GREM2: variants seen among roughly 807,000 people sequenced by gnomAD.
GREM2 encodes gremlin 2, DAN family BMP antagonist, also known as gremlin-2.
A neutral mutation model predicts 14.2 loss-of-function variants in GREM2; 11 were observed. The observed-to-expected ratio is 0.78, with a 90% CI of 0.49 to 1.28. GREM2 has a LOEUF of 1.28. GREM2 is among the 50% of genes most tolerant of loss of function. The pLI is 0.00. For synonymous variants in GREM2, 98 were observed against 97.6 expected (o/e 1.00, Z -0.02); for missense variants, 210 against 218.5 (o/e 0.96, Z 0.24).
At chr1:240,523,666 G>GT (rs922761395) in intron 1 of GREM2, among the ~76,000 whole-genome samples, 50 of 151,628 alleles carry the variant, frequency 3.3e-4, no homozygotes, top group Admixed American at 1.4e-3. Flanking sequence ...GTTTTGTTTT[G>GT]TTTTTTCATG....
chr1:240,532,106 C>T (rs1441605714), intron 1 of GREM2, among the ~76,000 whole-genome samples: 2 of 151,308 alleles, frequency 1.3e-5, no homozygotes, highest in African/African-American at 2.4e-5. Context: ...GACAGAGTCT[C>T]GCTCTTGTCT....
At chr1:240,513,478 G>A (rs1220602630) in intron 1 of GREM2, among the ~76,000 whole-genome samples, 3 of 151,614 alleles carry the variant, frequency 2.0e-5, no homozygotes, top group Admixed American at 1.3e-4. Flanking sequence ...GGGAGGCTGA[G>A]GCAAGAGAAT....
At chr1:240,582,125 A>AT (rs1403830034) in intron 1 of GREM2, among the ~76,000 whole-genome samples, 1 of 152,220 alleles carries the variant, frequency 6.6e-6, no homozygotes, top group Non-Finnish European at 1.5e-5. Context: ...TTTGAGAACC[A>AT]CTGCTATAAT....
intron 1 of GREM2, among the ~76,000 whole-genome samples, chr1:240,505,368 C>A (rs1034139933): frequency 3.9e-5 from 6 of 152,050 alleles, no homozygotes; most frequent in Non-Finnish European, 8.8e-5. Context: ...TATAATCATA[C>A]ACACGCACAG....
intron 1 of GREM2, among the ~76,000 whole-genome samples, chr1:240,493,978 G>A (rs1013590408): frequency 6.6e-6 from 1 of 152,284 alleles, no homozygotes; most frequent in African/African-American, 2.4e-5. Context: ...AAGGCAAGGA[G>A]GCGGACAAAA....
chr1:240,534,965 G>A (rs1678445269), intron 1 of GREM2, among the ~76,000 whole-genome samples: 2 of 152,114 alleles, frequency 1.3e-5, no homozygotes, highest in South Asian at 2.1e-4. Flanking sequence ...TGGAGAGGAA[G>A]GGAGAGATGA....
chr1:240,600,629 G>A (rs1365901658), intron 1 of GREM2, among the ~76,000 whole-genome samples: 2 of 151,902 alleles, frequency 1.3e-5, no homozygotes, highest in Non-Finnish European at 2.9e-5. Flanking sequence ...GATTACAGGC[G>A]CCCACCACCG....
At chr1:240,539,974 T>A (rs1300297400) in intron 1 of GREM2, among the ~76,000 whole-genome samples, 1 of 152,192 alleles carries the variant, frequency 6.6e-6, no homozygotes, top group African/African-American at 2.4e-5. Context: ...AGTCTTGGTG[T>A]CTTATTGAGT....
chr1:240,495,203 A>G lies in GREM2; in HGVS notation c.-1-1727T>C, dbSNP rs1412959718. Among the ~76,000 whole-genome samples, 7 of 152,364 alleles carry G rather than the reference A, an allele frequency of 4.6e-5. No homozygotes were observed. The East Asian group carries it at 1.2e-3, about 25-fold the overall frequency. On this transcript the variant is annotated intron_variant, in intron 1 of 1. Coordinates refer to ENST00000318160, the MANE Select transcript of GREM2 (RefSeq NM_022469.4). ...ATATTGAGGACTCTGATCTCTTTTT[A>G]CAACGGTAGCTACCAATGTAGCTGT... is the stretch of plus-strand genomic sequence containing the variant.
rs1459668411 is a variant in GREM2 at position 240,543,500 on chromosome 1, GA to G, written c.-1-50025del. Reference sequence around the variant, plus strand: ...TCACTACCATGATAACAGTAGGGGGGAAACCGCCCTTGTGATTCAATTATTT... The same window carrying G: ...TCACTACCATGATAACAGTAGGGGGGAACCGCCCTTGTGATTCAATTATTT... On this transcript the variant is annotated intron_variant, in intron 1 of 1. Transcript: ENST00000318160. This position sits in a 1 kb window ranked among gnomAD's most constrained non-coding sequence, Gnocchi z 6.4. Among the ~76,000 whole-genome samples, 10 of 152,226 alleles carry G rather than the reference GA, an allele frequency of 6.6e-5. No individual in the cohort carries two copies. The highest frequency in any genetic ancestry group is 1.9e-4 in the African/African-American group (8 of 41,526).
intron 1 of GREM2, among the ~76,000 whole-genome samples, chr1:240,508,351 T>G (rs1025928373): frequency 6.6e-6 from 1 of 152,208 alleles, no homozygotes; most frequent in Non-Finnish European, 1.5e-5. Flanking sequence ...GGGGAACGTC[T>G]GGGAGGTTAG....
intron 1 of GREM2, among the ~76,000 whole-genome samples, chr1:240,561,232 A>G (rs1679030073): frequency 6.6e-6 from 1 of 152,056 alleles, no homozygotes; most frequent in Admixed American, 6.6e-5. Context: ...TGCATACCCC[A>G]TAGTGTTTAG....
intron 1 of GREM2, among the ~76,000 whole-genome samples, chr1:240,600,465 T>C (rs182954511): frequency 0.02 from 3,093 of 151,462 alleles, 108 homozygotes; most frequent in African/African-American, 0.072. Flanking sequence ...TACCTTGTGT[T>C]TTTATTGTTT....
intron 1 of GREM2, among the ~76,000 whole-genome samples, chr1:240,607,849 T>C (rs954892640): frequency 3.9e-5 from 6 of 152,218 alleles, no homozygotes; most frequent in Admixed American, 1.3e-4. Context: ...TGTTTGCTGT[T>C]ATTGTTTTTG....
intron 1 of GREM2, among the ~76,000 whole-genome samples, chr1:240,568,428 G>C (rs552196392): frequency 6.6e-6 from 1 of 152,120 alleles, no homozygotes; most frequent in South Asian, 2.1e-4. Flanking sequence ...GAACAAAGAA[G>C]CGACTGGAAA....
At chr1:240,582,401 C>T (rs1679502562) in intron 1 of GREM2, among the ~76,000 whole-genome samples, 2 of 152,300 alleles carry the variant, frequency 1.3e-5, no homozygotes, top group South Asian at 2.1e-4. Context: ...TGCCATTGCA[C>T]TCCAGCCTGG....
chr1:240,562,762 T>C (rs1030893643), intron 1 of GREM2, among the ~76,000 whole-genome samples: 16 of 151,878 alleles, frequency 1.1e-4, no homozygotes, highest in African/African-American at 3.6e-4. Flanking sequence ...TATGTGTGTA[T>C]GTATATGTGT....
At chr1:240,562,924 G>T (rs1679084368) in intron 1 of GREM2, among the ~76,000 whole-genome samples, 1 of 149,300 alleles carries the variant, frequency 6.7e-6, no homozygotes, top group African/African-American at 2.5e-5. Context: ...GTGAGTGTAT[G>T]TGTATGTGTG....
intron 1 of GREM2, among the ~76,000 whole-genome samples, chr1:240,548,825 C>A (rs1188169848): frequency 3.3e-5 from 5 of 152,064 alleles, no homozygotes; most frequent in Non-Finnish European, 1.5e-5. Flanking sequence ...AAACGAACAA[C>A]CTTGGTTAGA....
Sources: allele counts gnomAD v4.1 joint callset (sites outside exome capture counted in the v4.1 genomes callset), GRCh38; gene constraint gnomAD v4.1.1; non-coding constraint Gnocchi (gnomAD v3.1); transcripts MANE v1.5; gene names NCBI Gene and HGNC (gene_info 2026-07-23, HGNC 2026-07-21).